Variants in COL5A2 observed in about 807,000 individuals in gnomAD.
COL5A2 encodes the protein collagen type V alpha 2 chain, also known as collagen alpha-2(V) chain.
COL5A2 carries 23 observed loss-of-function variants against 208.2 expected under a neutral mutation model. The observed-to-expected ratio is 0.11, with a 90% confidence interval of 0.08 to 0.16. The LOEUF (loss-of-function observed/expected upper bound fraction) is 0.16. COL5A2 is among the 10% of genes least tolerant of loss of function. COL5A2 has a pLI of 1.00. For missense variants in COL5A2, 1,590 were observed against 1,956.4 expected, an observed-to-expected ratio of 0.81 and a Z score of 3.53; for synonymous variants, 625 against 628.5, an observed-to-expected ratio of 0.99 and a Z score of 0.08.
chr2:189,103,471 G>A (rs1448043106), intron 3 of COL5A2, among the ~76,000 whole-genome samples: 1 of 151,988 alleles, frequency 6.6e-6, no homozygotes, highest in Non-Finnish European at 1.5e-5. Flanking sequence ...TATGGAAATT[G>A]GGACCAGCAA....
At chr2:189,190,847 G>C (rs1211486425) in intron 1 of COL5A2, among the ~76,000 whole-genome samples, 1 of 152,294 alleles carries the variant, frequency 6.6e-6, no homozygotes, top group Non-Finnish European at 1.5e-5. Context: ...ATGCACATTT[G>C]TTAGAGAGAT....
At chr2:189,177,149 A>T (rs1238391361) in intron 1 of COL5A2, among the ~76,000 whole-genome samples, 2 of 152,222 alleles carry the variant, frequency 1.3e-5, no homozygotes, top group Non-Finnish European at 2.9e-5. Context: ...GCAAAAACAG[A>T]TCTCCACATT....
At chr2:189,139,766 A>C (rs1047971054) in intron 1 of COL5A2, among the ~76,000 whole-genome samples, 1 of 152,220 alleles carries the variant, frequency 6.6e-6, no homozygotes, top group African/African-American at 2.4e-5. Flanking sequence ...AAAATTAGAA[A>C]GTATATTTTA....
chr2:189,061,489 A>G, intron 30 of COL5A2, 73 bp downstream of exon 30: 10 of 1,108,274 alleles, frequency 9.0e-6, no homozygotes, highest in Non-Finnish European at 1.2e-5. Flanking sequence ...TCTTCTGACC[A>G]TATCTTTTTT....
chr2:189,338,122 T>C, the COL5A2 span, among the ~76,000 whole-genome samples: 2 of 152,242 alleles, frequency 1.3e-5, no homozygotes. Context: ...TGTTACATAA[T>C]ATATATTACA....
At chr2:189,185,953 G>A (rs1420488863) in intron 1 of COL5A2, among the ~76,000 whole-genome samples, 1 of 152,082 alleles carries the variant, frequency 6.6e-6, no homozygotes, top group African/African-American at 2.4e-5. Context: ...GAGCAGGAGC[G>A]CATAGAAATG....
At chr2:189,263,058 A>T in the COL5A2 span, among the ~76,000 whole-genome samples, 1 of 152,172 alleles carries the variant, frequency 6.6e-6, no homozygotes, top group Non-Finnish European at 1.5e-5. Flanking sequence ...TGGATTTTGT[A>T]ATTGAATGAC....
intron 16 of COL5A2, among the ~76,000 whole-genome samples, chr2:189,078,277 A>G (rs548969539): frequency 2.0e-5 from 3 of 152,302 alleles, no homozygotes; most frequent in African/African-American, 7.2e-5. Flanking sequence ...GTATTAAAGT[A>G]GATGACAAAT....
chr2:189,439,996 C>T, the COL5A2 span, among the ~76,000 whole-genome samples: 1 of 152,194 alleles, frequency 6.6e-6, no homozygotes, highest in Non-Finnish European at 1.5e-5. Context: ...TGATATTTTA[C>T]ACTCCATCCA....
At chr2:189,401,294 T>G in the COL5A2 span, among the ~76,000 whole-genome samples, 2 of 152,186 alleles carry the variant, frequency 1.3e-5, no homozygotes, top group Non-Finnish European at 2.9e-5. Flanking sequence ...CAGCTGCCAC[T>G]TATAAGTGAG....
chr2:189,270,417 T>A, the COL5A2 span, among the ~76,000 whole-genome samples: 4 of 152,216 alleles, frequency 2.6e-5, no homozygotes, highest in Non-Finnish European at 5.9e-5. Flanking sequence ...GAGATTCTGG[T>A]ACGTTGTGTC....
the COL5A2 span, among the ~76,000 whole-genome samples, chr2:189,350,624 T>A: frequency 6.6e-6 from 1 of 152,154 alleles, no homozygotes; most frequent in Non-Finnish European, 1.5e-5. Context: ...TTGTGACTAA[T>A]TATGTTTGTG....
the COL5A2 span, among the ~76,000 whole-genome samples, chr2:189,356,254 G>T: frequency 1.3e-5 from 2 of 151,974 alleles, no homozygotes; most frequent in African/African-American, 4.8e-5. Context: ...TGTGTCTTGG[G>T]GTTGCTCTTC....
the COL5A2 span, among the ~76,000 whole-genome samples, chr2:189,271,323 G>A: frequency 6.6e-6 from 1 of 151,950 alleles, no homozygotes; most frequent in Non-Finnish European, 1.5e-5. Flanking sequence ...TAGACCAATG[G>A]AACAGAACAG....
chr2:189,119,394 T>C (rs1687457029), intron 1 of COL5A2, among the ~76,000 whole-genome samples: 1 of 152,080 alleles, frequency 6.6e-6, no homozygotes, highest in Non-Finnish European at 1.5e-5. Context: ...AGATACTTCT[T>C]TATCCTATTA....
intron 1 of COL5A2, among the ~76,000 whole-genome samples, chr2:189,118,007 G>T (rs1687429085): frequency 6.6e-6 from 1 of 151,802 alleles, no homozygotes; most frequent in Non-Finnish European, 1.5e-5. Context: ...ATATTCTTTT[G>T]TATATAAAAA....
At position 189,039,555 on chromosome 2, in the gene COL5A2, A is replaced by T. The variant is rs938051930; in HGVS notation, c.3642T>A (p.Pro1214=). 2.5e-6 allele frequency: 4 copies of T among 1,613,512 alleles called. No homozygotes were observed. The highest frequency in any genetic ancestry group is 3.4e-6 in the Non-Finnish European group (4 of 1,179,914). ...SVGEAGPEGP[P]GEPGPPGPPG... is the part of the protein sequence containing the mutation. ...GAGGGCCAGGTGGGCCAGGCTCACC[A>T]GGAGGGCCCTAATTAAAAAGAGATT... is the stretch of plus-strand genomic sequence containing the variant. Residue 1214 remains proline, a synonymous_variant, in exon 51 of 54, where the codon CCT becomes CCA. Transcript: ENST00000374866.
the COL5A2 span, among the ~76,000 whole-genome samples, chr2:189,306,173 A>G: frequency 9.9e-5 from 15 of 152,170 alleles, no homozygotes; most frequent in African/African-American, 3.4e-4. Context: ...TATGTTTCCA[A>G]TAGAAAGATT....
intron 1 of COL5A2, among the ~76,000 whole-genome samples, chr2:189,137,755 G>C (rs894062603): frequency 2.7e-4 from 41 of 152,260 alleles, no homozygotes; most frequent in Admixed American, 2.1e-3. Context: ...TACTCATGAA[G>C]GCTTGAACCA....
Sources: gnomAD v4.1 joint callset for allele counts (sites outside exome capture counted in the v4.1 genomes callset) on GRCh38, gnomAD v4.1.1 for gene constraint, MANE v1.5 for transcripts, NCBI Gene and HGNC (gene_info 2026-07-23, HGNC 2026-07-21) for gene names.